Variants in ZNF783 observed in about 807,000 individuals in gnomAD.
ZNF783 encodes the protein protein ZNF783.
Under a neutral mutation model 31.3 loss-of-function variants are expected in ZNF783, and 25 were observed. The observed-to-expected ratio is 0.80, with a 90% CI of 0.58 to 1.11. The LOEUF is 1.11. Among genes scored for constraint, ZNF783 ranks in the 50% most tolerant of loss-of-function variants. The pLI is 0.00. For synonymous variants in ZNF783, 369 were observed against 319.1 expected (o/e 1.16, Z -1.66); for missense variants, 797 against 760.0 (o/e 1.05, Z -0.57).
Position 149,281,752 on chromosome 7 carries a change from C to G in ZNF783, c.1050C>G (p.Pro350=), listed in dbSNP as rs1399007531. 8.0e-6 allele frequency: 12 copies of G among 1,490,820 alleles called. No individual in the cohort carries two copies. Among genetic ancestry groups the G allele is most frequent in the Non-Finnish European group, 1.1e-5 (12 of 1,129,360 alleles). The allele number at this position is 1,490,820 out of a possible 1,614,324, so 92.3% of individuals were successfully genotyped here. Residue 350 remains proline (P), a synonymous_variant, in exon 6 of 6, where the codon CCC becomes CCG. Coordinates refer to ENST00000434415, the MANE Select transcript of ZNF783 (RefSeq NM_001195220.2). Reference sequence around the variant, plus strand: ...CCCGCAGGCGGCAGCGGGCATTCCCCTGCCCCGACTGCGGGCAGAGCTTCC... The same window carrying G: ...CCCGCAGGCGGCAGCGGGCATTCCCGTGCCCCGACTGCGGGCAGAGCTTCC... ...VLSRRRQRAF[P]CPDCGQSFRL...
At chr7:149,274,352 T>C in intron 4 of ZNF783, among the ~76,000 whole-genome samples, 1 of 151,986 alleles carries the variant, frequency 6.6e-6, no homozygotes, top group African/African-American at 2.4e-5. Context: ...ATGTTCTTTT[T>C]TTTTTCCTTT....
intron 4 of ZNF783, among the ~76,000 whole-genome samples, chr7:149,268,552 C>G (rs753581183): frequency 6.6e-6 from 1 of 152,070 alleles, no homozygotes; most frequent in South Asian, 2.1e-4. Context: ...GTATATTGTG[C>G]CCAGGTAGTG....
chr7:149,280,953 C>G lies in ZNF783; in HGVS notation c.803-552C>G, dbSNP rs139492708. Among the ~76,000 whole-genome samples the G allele has an allele frequency of 2.0e-3, 299 of 152,368 alleles. 1 individual carries two copies. The highest frequency in any genetic ancestry group is 3.4e-3 in the Non-Finnish European group (230 of 68,034). The stretch of plus-strand genomic sequence containing the variant: ...AATCTCAGGTCCCAGTGCCTCCTCT[C>G]TGTCACCAGTGAGTGTAGTGGCAGA... On this transcript the variant is annotated intron_variant, in intron 5 of 5. Transcript: ENST00000434415.
In ZNF783 at chr7:149,270,163, T is replaced by G. The variant is rs549275961; in HGVS notation, c.673+2941T>G. ...CATGTGTCTTTATAGCAGCATGATT[T>G]ATAATCCTTTGGGTATATACCCAGT... On this transcript the variant is annotated intron_variant, in intron 4 of 5. Transcript: ENST00000434415. Among the ~76,000 whole-genome samples, 4 of 152,398 alleles carry G rather than the reference T, an allele frequency of 2.6e-5. No individual in the cohort carries two copies. The East Asian group carries it at 7.7e-4, about 29-fold the overall frequency.
intron 5 of ZNF783, among the ~76,000 whole-genome samples, chr7:149,280,073 ACGGGGCGGC>A (rs762230949): frequency 0.15 from 22,830 of 148,786 alleles, 1,359 homozygotes; most frequent in Admixed American, 0.26. Context: ...CACCTCCCGG[ACGGGGCGGC>A]TGGCCGGGCG....
intron 5 of ZNF783, among the ~76,000 whole-genome samples, chr7:149,280,092 G>A (rs1292655259): frequency 8.9e-5 from 9 of 100,650 alleles, no homozygotes; most frequent in African/African-American, 1.9e-4. Context: ...CTGGCCGGGC[G>A]GGGGGCTGAC....
rs772870369 is a variant in ZNF783 at position 149,266,716 on chromosome 7, G to T, written c.406G>T (p.Gly136Trp). ...CTTGCGGCTGCCCCCGGGCAGCAAG[G>T]GGGAGGCCCCCAAGGTAGCACCGGG... Reference protein sequence around the residue: ...WILRLPPGSKGEAPKVPVTFD... With the variant: ...WILRLPPGSKWEAPKVPVTFD... Residue 136 changes from glycine to tryptophan, a missense_variant, in exon 2 of 6, where the codon GGG becomes TGG. By Grantham distance (184) the Gly-to-Trp change is radical (BLOSUM62 -2). Coordinates refer to ENST00000434415, the MANE Select transcript of ZNF783 (RefSeq NM_001195220.2). 28 of 1,613,950 alleles carry T rather than the reference G, an allele frequency of 1.7e-5. No homozygotes were observed. The highest frequency in any genetic ancestry group is 2.4e-5 in the Non-Finnish European group (28 of 1,179,946).
intron 1 of ZNF783, among the ~76,000 whole-genome samples, chr7:149,264,398 G>C (rs1301190773): frequency 6.6e-6 from 1 of 152,198 alleles, no homozygotes; most frequent in Admixed American, 6.5e-5. Context: ...GGAGGGCCGG[G>C]TGGGTCCTCG....
At chr7:149,279,803 A>G (rs1299111197) in intron 5 of ZNF783, among the ~76,000 whole-genome samples, 2 of 151,926 alleles carry the variant, frequency 1.3e-5, no homozygotes, top group African/African-American at 4.8e-5. Context: ...ACCGATCAAC[A>G]GGAACCCAAG....
At position 149,278,534 on chromosome 7, in the gene ZNF783, G is replaced by A. The variant is rs749353491; in HGVS notation, c.802+7G>A. The A allele has an allele frequency of 6.3e-7, 1 of 1,599,242 alleles. No individual in the cohort carries two copies. The highest frequency in any genetic ancestry group is 8.5e-7 in the Non-Finnish European group (1 of 1,179,704). On this transcript the variant is annotated splice_region_variant and intron_variant, in intron 5 of 5. Transcript: ENST00000434415. ...CCAGCCGGGCCAGAAGCAGGTGAGT[G>A]AGGACAGTGAGGCGGCAGGATGAAC...
At chr7:149,274,499 G>A (rs549153042) in intron 4 of ZNF783, among the ~76,000 whole-genome samples, 23 of 152,206 alleles carry the variant, frequency 1.5e-4, no homozygotes, top group African/African-American at 5.3e-4. Flanking sequence ...CTGAGTAGCT[G>A]GGACTACAGG....
At chr7:149,269,669 T>A (rs192270577) in intron 4 of ZNF783, among the ~76,000 whole-genome samples, 1,624 of 152,222 alleles carry the variant, frequency 0.011, 12 homozygotes, top group Non-Finnish European at 0.018. Flanking sequence ...ACATTTTTTT[T>A]AAATTTTATT....
rs1052264744 is a variant in ZNF783 at position 149,283,547 on chromosome 7, C to G, written c.*1204C>G. 3.3e-5 allele frequency: 5 copies of G among 152,224 alleles called. No individual in the cohort carries two copies. Among genetic ancestry groups the G allele is most frequent in the African/African-American group, 9.7e-5 (4 of 41,442 alleles). 9.4% of individuals were successfully genotyped at this position (152,224 alleles called of 1,614,324 possible). A position where few individuals can be genotyped will look rare whatever the true frequency, so the allele number is the denominator to read the frequency against. ...AGTGCAGAGAGAGCCCAGGAAGCCCCTCCACTAGAGGAGGCCCTTGGTCTG... is the reference window on the plus strand; with the variant it reads ...AGTGCAGAGAGAGCCCAGGAAGCCCGTCCACTAGAGGAGGCCCTTGGTCTG... On this transcript the variant is annotated 3_prime_UTR_variant, in exon 6 of 6. Coordinates refer to ENST00000434415, the MANE Select transcript of ZNF783 (RefSeq NM_001195220.2).
chr7:149,267,250 G>C, intron 4 of ZNF783, 28 bp downstream of exon 4: 2 of 1,552,646 alleles, frequency 1.3e-6, no homozygotes, highest in African/African-American at 1.4e-5. Flanking sequence ...ATGTGGTTGG[G>C]GGGCCGCCAG....
At chr7:149,281,363 G>C (rs989784572) in intron 5 of ZNF783, 142 bp from the exon 6 acceptor site, 8 of 593,494 alleles carry the variant, frequency 1.3e-5, no homozygotes, top group Middle Eastern at 5.5e-4. Flanking sequence ...GCAGGGCTCA[G>C]TGAGCAGGAC....
intron 4 of ZNF783, among the ~76,000 whole-genome samples, chr7:149,275,376 G>A (rs989140782): frequency 1.7e-4 from 26 of 150,988 alleles, no homozygotes; most frequent in African/African-American, 4.9e-4. Context: ...GCAGTGGCGC[G>A]ATCTTGGCTC....
rs372949818 is a variant in ZNF783, at chr7:149,266,411, C to T, written c.101C>T (p.Ser34Leu). Residue 34 changes from serine to leucine, a missense_variant, in exon 2 of 6, where the codon TCG becomes TTG. Coordinates refer to ENST00000434415, the MANE Select transcript of ZNF783 (RefSeq NM_001195220.2). ...PLPQPAAEKN[S>L]YLYSTEITLW... The stretch of plus-strand genomic sequence containing the variant: ...CCCCAGCCAGCTGCTGAGAAGAACT[C>T]GTACCTCTACTCCACGGAAATCACA... 35 of 1,601,424 alleles carry T rather than the reference C, an allele frequency of 2.2e-5. No individual in the cohort carries two copies. In the Admixed American group the frequency reaches 3.0e-4, roughly 14 times the overall value.
chr7:149,280,259 T>A (rs1797434686), intron 5 of ZNF783, among the ~76,000 whole-genome samples: 3 of 152,176 alleles, frequency 2.0e-5, no homozygotes, highest in African/African-American at 7.2e-5. Flanking sequence ...AGCACCAGCA[T>A]TTTATCTTTG....
At chr7:149,263,286 GTGTGTGTGTGTGTGTGTGTATATATA>G (rs1471677100) in intron 1 of ZNF783, among the ~76,000 whole-genome samples, 2 of 98,812 alleles carry the variant, frequency 2.0e-5, no homozygotes, top group African/African-American at 9.0e-5. Flanking sequence ...GTGTGTGTGT[GTGTGTGTGTGTGTGTGTGTATATATA>G]TATATATATA....
Sources: allele counts gnomAD v4.1 joint callset (sites outside exome capture counted in the v4.1 genomes callset), GRCh38; gene constraint gnomAD v4.1.1; transcripts MANE v1.5; gene names NCBI Gene and HGNC (gene_info 2026-07-23, HGNC 2026-07-21).